CDH18: variants seen among roughly 807,000 people sequenced by gnomAD.
The protein encoded by CDH18 is cadherin-18.
A neutral mutation model predicts 67.9 loss-of-function variants in CDH18; 31 were observed. The observed-to-expected ratio is 0.46, with a 90% confidence interval of 0.34 to 0.62. The LOEUF is 0.62. Ranked by LOEUF, CDH18 falls within the 20% of genes least tolerant of loss-of-function variation. The pLI, the probability that CDH18 is intolerant of heterozygous loss-of-function variation, is 0.01. For synonymous variants in CDH18, 362 were observed against 347.2 expected (o/e 1.04, Z -0.48); for missense variants, 890 against 975.5 (o/e 0.91, Z 1.17).
chr5:19,672,423 T>C (rs1287120880), intron 5 of CDH18, among the ~76,000 whole-genome samples: 4 of 152,178 alleles, frequency 2.6e-5, no homozygotes, highest in African/African-American at 4.8e-5. Context: ...ATGAGTGGAA[T>C]TGGATTACTT....
intron 2 of CDH18, among the ~76,000 whole-genome samples, chr5:19,907,543 T>C (rs1790668006): frequency 1.3e-5 from 2 of 152,024 alleles, no homozygotes; most frequent in African/African-American, 4.8e-5. Flanking sequence ...GCTTCTGGTG[T>C]TATGTCAGTA....
At chr5:19,979,075 T>C (rs1324403330) in intron 2 of CDH18, among the ~76,000 whole-genome samples, 1 of 152,170 alleles carries the variant, frequency 6.6e-6, no homozygotes, top group Non-Finnish European at 1.5e-5. Context: ...AGAAGCTACT[T>C]CACTTAGTTT....
Position 19,577,651 on chromosome 5 carries a change from G to A in CDH18, c.1000-5819C>T, listed in dbSNP as rs543126000. Among the ~76,000 whole-genome samples, 143 of 152,274 alleles carry A rather than the reference G, an allele frequency of 9.4e-4. 2 individuals carry two copies. The highest frequency in any genetic ancestry group is 3.4e-3 in the Middle Eastern group (1 of 292). ...ATGAGTTTAGAAATGTTGACCTGAT[G>A]ATAAACAGATAAGATTTTGGACTTA... On this transcript the variant is annotated intron_variant, in intron 7 of 12. Transcript: ENST00000382275.
At chr5:19,508,972 C>G (rs1189117073) in intron 10 of CDH18, among the ~76,000 whole-genome samples, 1 of 150,566 alleles carries the variant, frequency 6.6e-6, no homozygotes, top group African/African-American at 2.4e-5. Flanking sequence ...CTCCTGGGTT[C>G]AAGTGATTCT....
At chr5:19,716,017 C>T (rs1765297848) in intron 5 of CDH18, among the ~76,000 whole-genome samples, 1 of 151,998 alleles carries the variant, frequency 6.6e-6, no homozygotes, top group Non-Finnish European at 1.5e-5. Context: ...CAGGATTTCA[C>T]CATGTTGGCC....
intron 2 of CDH18, among the ~76,000 whole-genome samples, chr5:19,928,879 A>C (rs1198668104): frequency 6.6e-6 from 1 of 152,114 alleles, no homozygotes; most frequent in African/African-American, 2.4e-5. Flanking sequence ...GATGACTAGC[A>C]ATATCCCATT....
chr5:20,376,218 C>G (rs1165270934), intron 1 of CDH18, among the ~76,000 whole-genome samples: 1 of 149,794 alleles, frequency 6.7e-6, no homozygotes, highest in African/African-American at 2.5e-5. Context: ...CTCAGCCTCC[C>G]GAGTAGCTGG....
intron 2 of CDH18, among the ~76,000 whole-genome samples, chr5:20,102,965 A>G (rs1346906543): frequency 1.3e-5 from 2 of 152,220 alleles, no homozygotes; most frequent in Admixed American, 6.5e-5. Context: ...AAACACACAT[A>G]ACAAAAACAT....
intron 2 of CDH18, among the ~76,000 whole-genome samples, chr5:19,893,896 T>G (rs1789028721): frequency 6.6e-6 from 1 of 152,110 alleles, no homozygotes; most frequent in African/African-American, 2.4e-5. Flanking sequence ...ACTCCTATAT[T>G]AAAGATCAGA....
chr5:19,996,625 G>C (rs958063232), intron 2 of CDH18, among the ~76,000 whole-genome samples: 2 of 151,884 alleles, frequency 1.3e-5, no homozygotes, highest in African/African-American at 4.8e-5. Context: ...TTATTCAATA[G>C]TTGAAAATTA....
In CDH18 at chr5:19,723,320, A is replaced by G. The variant is rs114047082; in HGVS notation, c.524-1854T>C. On this transcript the variant is annotated intron_variant, in intron 4 of 12. Transcript: ENST00000382275. ...ACTTCCATGTTGAACTTCAGACACA[A>G]TTTTAGGGAAAGTTTATTCTGTGTC... 5.0e-3 allele frequency among the ~76,000 whole-genome samples: 762 copies of G among 152,276 alleles called. 3 individuals carry two copies. Among genetic ancestry groups the G allele is most frequent in the African/African-American group, 0.018 (734 of 41,568 alleles).
chr5:20,061,486 T>C (rs1239388027), intron 2 of CDH18, among the ~76,000 whole-genome samples: 1 of 152,188 alleles, frequency 6.6e-6, no homozygotes, highest in Non-Finnish European at 1.5e-5. Flanking sequence ...TAATTTTAGA[T>C]GTATAAATAA....
intron 3 of CDH18, among the ~76,000 whole-genome samples, chr5:19,820,902 C>T (rs1347088854): frequency 6.6e-6 from 1 of 152,108 alleles, no homozygotes; most frequent in African/African-American, 2.4e-5. Flanking sequence ...TAACATTCAT[C>T]TCAATCAAAC....
At chr5:19,887,006 T>C (rs1414456332) in intron 2 of CDH18, among the ~76,000 whole-genome samples, 1 of 152,096 alleles carries the variant, frequency 6.6e-6, no homozygotes, top group Non-Finnish European at 1.5e-5. Flanking sequence ...TTGATGTATA[T>C]TGGGTTGATT....
At chr5:20,472,225 G>A (rs180869249) in intron 1 of CDH18, among the ~76,000 whole-genome samples, 245 of 152,254 alleles carry the variant, frequency 1.6e-3, no homozygotes, top group Non-Finnish European at 9.6e-4. Context: ...AGGTTCAAGA[G>A]GTCTGGGTTT....
intron 3 of CDH18, among the ~76,000 whole-genome samples, chr5:19,778,571 T>C (rs1774682269): frequency 6.6e-6 from 1 of 152,086 alleles, no homozygotes; most frequent in Non-Finnish European, 1.5e-5. Flanking sequence ...TAAACAAAAT[T>C]AGAAAGATAG....
intron 1 of CDH18, among the ~76,000 whole-genome samples, chr5:20,457,490 C>G (rs1581035522): frequency 6.6e-6 from 1 of 152,114 alleles, no homozygotes; most frequent in African/African-American, 2.4e-5. Context: ...ACTAAGTAAC[C>G]CACCTAGAGC....
intron 2 of CDH18, among the ~76,000 whole-genome samples, chr5:20,080,099 C>G (rs1744320290): frequency 6.6e-6 from 1 of 152,038 alleles, no homozygotes; most frequent in Non-Finnish European, 1.5e-5. Context: ...CAAGTATATA[C>G]TAAATATATA....
chr5:20,475,393 TTAAG>T (rs992892427), intron 1 of CDH18, among the ~76,000 whole-genome samples: 3 of 152,110 alleles, frequency 2.0e-5, no homozygotes, highest in Non-Finnish European at 4.4e-5. Flanking sequence ...CCTTCTTAGA[TTAAG>T]TGTTTTGGTA....
Sources: gnomAD v4.1 joint callset for allele counts (sites outside exome capture counted in the v4.1 genomes callset) on GRCh38, gnomAD v4.1.1 for gene constraint, MANE v1.5 for transcripts, NCBI Gene and HGNC (gene_info 2026-07-23, HGNC 2026-07-21) for gene names.